NPFFR2: variants seen among roughly 807,000 people sequenced by gnomAD.
NPFFR2 encodes neuropeptide FF receptor 2, also known as G-protein coupled receptor 74.
NPFFR2 carries 15 observed loss-of-function variants against 13.1 expected under a neutral mutation model. The ratio of observed to expected loss-of-function variants is 1.15; its 90% CI spans 0.77 to 1.76. The LOEUF is 1.76. Among genes scored for constraint, NPFFR2 ranks in the 40% most tolerant of loss-of-function variants. The pLI is 0.00. For missense variants in NPFFR2, 572 were observed against 503.5 expected, an observed-to-expected ratio of 1.14 and a Z score of -1.30; for synonymous variants, 190 against 175.7, an observed-to-expected ratio of 1.08 and a Z score of -0.65.
At chr4:72,035,070 C>T (rs1578413416) in intron 1 of NPFFR2, among the ~76,000 whole-genome samples, 2 of 152,176 alleles carry the variant, frequency 1.3e-5, no homozygotes, top group African/African-American at 2.4e-5. Flanking sequence ...TTATTTTACC[C>T]CTCTAGATTT....
At chr4:72,082,829 A>G (rs901298996) in intron 1 of NPFFR2, among the ~76,000 whole-genome samples, 1 of 150,418 alleles carries the variant, frequency 6.6e-6, no homozygotes, top group African/African-American at 2.5e-5. Context: ...CCCAGCCCCC[A>G]CTCCCTGGTA....
At chr4:72,035,284 G>T (rs1578413493) in intron 1 of NPFFR2, among the ~76,000 whole-genome samples, 1 of 152,314 alleles carries the variant, frequency 6.6e-6, no homozygotes, top group East Asian at 1.9e-4. Context: ...AGACGCACAA[G>T]AATGTTTTTA....
chr4:72,109,223 C>T (rs1241414411), intron 1 of NPFFR2, among the ~76,000 whole-genome samples: 2 of 151,950 alleles, frequency 1.3e-5, no homozygotes, highest in East Asian at 3.9e-4. Context: ...AGAGAGATGT[C>T]CAACAGTGTT....
chr4:72,144,396 C>A (rs1316627488), intron 3 of NPFFR2, among the ~76,000 whole-genome samples: 1 of 151,976 alleles, frequency 6.6e-6, no homozygotes, highest in Non-Finnish European at 1.5e-5. Context: ...CAATCCTTAG[C>A]CAAGGAAAAA....
intron 1 of NPFFR2, among the ~76,000 whole-genome samples, chr4:72,080,282 A>C (rs1470008829): frequency 3.3e-5 from 5 of 151,894 alleles, no homozygotes; most frequent in Non-Finnish European, 7.4e-5. Flanking sequence ...CTCCTGCCTC[A>C]GTCTCCTGAG....
At chr4:72,042,552 C>T (rs999033576) in intron 1 of NPFFR2, among the ~76,000 whole-genome samples, 1 of 151,452 alleles carries the variant, frequency 6.6e-6, no homozygotes, top group Non-Finnish European at 1.5e-5. Context: ...TGGCTTTGAC[C>T]AAAATGCTGA....
chr4:72,110,569 C>T (rs1721536674), intron 1 of NPFFR2, among the ~76,000 whole-genome samples: 1 of 151,902 alleles, frequency 6.6e-6, no homozygotes, highest in Non-Finnish European at 1.5e-5. Flanking sequence ...AGTTGGTTTC[C>T]CTAGCTTTGG....
chr4:72,089,413 A>C (rs1223829731), intron 1 of NPFFR2, among the ~76,000 whole-genome samples: 2 of 152,166 alleles, frequency 1.3e-5, no homozygotes, highest in East Asian at 3.9e-4. Context: ...TCTTTTCCAT[A>C]GTGGTTGTAC....
chr4:72,075,696 T>C (rs1331535031), intron 1 of NPFFR2, among the ~76,000 whole-genome samples: 1 of 152,016 alleles, frequency 6.6e-6, no homozygotes, highest in African/African-American at 2.4e-5. Context: ...ATGATTCCAC[T>C]TATATGAGGT....
At chr4:72,143,543 C>T (rs1408553138) in intron 3 of NPFFR2, among the ~76,000 whole-genome samples, 1 of 152,108 alleles carries the variant, frequency 6.6e-6, no homozygotes, top group Non-Finnish European at 1.5e-5. Context: ...TCCACTTTAC[C>T]GAATCCACTG....
chr4:72,076,006 C>CACACACACAGAG (rs746237728), intron 1 of NPFFR2, among the ~76,000 whole-genome samples: 1 of 122,760 alleles, frequency 8.1e-6, no homozygotes, highest in African/African-American at 3.8e-5. Context: ...CACACACACA[C>CACACACACAGAG]AGAGAGAGAG....
chr4:72,127,152 A>G (rs1722072685), intron 1 of NPFFR2, among the ~76,000 whole-genome samples: 1 of 150,378 alleles, frequency 6.6e-6, no homozygotes, highest in Non-Finnish European at 1.5e-5. Context: ...AATACAAAAA[A>G]AATTCGCTGG....
chr4:72,128,130 C>T (rs1394491382), intron 1 of NPFFR2, among the ~76,000 whole-genome samples: 1 of 152,146 alleles, frequency 6.6e-6, no homozygotes, highest in Non-Finnish European at 1.5e-5. Flanking sequence ...ATGGCAAATA[C>T]AAGAAGTTAT....
chr4:72,034,445 C>T (rs542775966), intron 1 of NPFFR2, among the ~76,000 whole-genome samples: 9 of 152,138 alleles, frequency 5.9e-5, no homozygotes, highest in Non-Finnish European at 1.3e-4. Flanking sequence ...CTCATGAGAA[C>T]TCACTCACTA....
At chr4:72,089,016 G>A (rs917969345) in intron 1 of NPFFR2, among the ~76,000 whole-genome samples, 7 of 151,968 alleles carry the variant, frequency 4.6e-5, no homozygotes, top group African/African-American at 1.7e-4. Flanking sequence ...AAAATCCATT[G>A]TATCATTCTT....
chr4:72,131,351 A>C (rs1722232901), intron 2 of NPFFR2, among the ~76,000 whole-genome samples: 1 of 149,722 alleles, frequency 6.7e-6, no homozygotes, highest in South Asian at 2.1e-4. Context: ...AAACAAAAAG[A>C]GGGTGTACAC....
intron 1 of NPFFR2, among the ~76,000 whole-genome samples, chr4:72,127,564 C>G (rs1307285553): frequency 7.1e-6 from 1 of 140,460 alleles, no homozygotes; most frequent in African/African-American, 2.6e-5. Context: ...GGGGTTTCAC[C>G]GTGTTAGCCA....
chr4:72,058,401 A>G (rs1719824266), intron 1 of NPFFR2, among the ~76,000 whole-genome samples: 1 of 151,184 alleles, frequency 6.6e-6, no homozygotes, highest in African/African-American at 2.4e-5. Context: ...AAAAAGTAAA[A>G]AAAAAAAGAC....
rs1182382513 is a variant in NPFFR2, at chr4:72,147,787, A to C, written c.1238A>C (p.Glu413Ala). The change falls in exon 4 of 4, where the codon GAA (glutamate) becomes GCA (alanine). Residue 413 changes from glutamate to alanine, a missense_variant. Glu to Ala is a moderately radical substitution (Grantham distance 107). Transcript: ENST00000308744. ...QQELVMEELK[E>A]TTNSSEI ...GAATTAGTGATGGAAGAATTAAAAG[A>C]AACTACTAACAGCAGTGAGATTTAA... The C allele has an allele frequency of 1.9e-6, 3 of 1,582,654 alleles. No individual in the cohort carries two copies. The highest frequency in any genetic ancestry group is 2.6e-6 in the Non-Finnish European group (3 of 1,171,132).
Sources: allele counts gnomAD v4.1 joint callset (sites outside exome capture counted in the v4.1 genomes callset), GRCh38; gene constraint gnomAD v4.1.1; transcripts MANE v1.5; gene names NCBI Gene and HGNC (gene_info 2026-07-23, HGNC 2026-07-21).